NSD3: variants seen among roughly 807,000 people sequenced by gnomAD.
NSD3 encodes histone-lysine N-methyltransferase NSD3.
A neutral mutation model predicts 160.8 loss-of-function variants in NSD3; 24 were observed. That is an observed-to-expected ratio of 0.15 (90% CI 0.11 to 0.21). The LOEUF is 0.21. Ranked by LOEUF, NSD3 falls within the 10% of genes least tolerant of loss-of-function variation. The probability of loss-of-function intolerance (pLI) is 1.00; values close to 1 mark genes in which losing one functional copy is unlikely to be tolerated. For synonymous variants in NSD3, 520 were observed against 600.0 expected (o/e 0.87, Z 1.95); for missense variants, 1,157 against 1,735.9 (o/e 0.67, Z 5.93).
At chr8:38,359,871 A>G (rs1287045448) in intron 1 of NSD3, among the ~76,000 whole-genome samples, 1 of 152,252 alleles carries the variant, frequency 6.6e-6, no homozygotes. Context: ...TCCACAAACA[A>G]AATACAGTGC....
At chr8:38,355,133 T>G (rs1178380214) in intron 1 of NSD3, among the ~76,000 whole-genome samples, 3 of 151,990 alleles carry the variant, frequency 2.0e-5, no homozygotes, top group African/African-American at 7.2e-5. Flanking sequence ...TGCTTGAGAG[T>G]GCAGGTTCAG....
chr8:38,339,134 T>G (rs976612451), intron 2 of NSD3, among the ~76,000 whole-genome samples: 91 of 141,772 alleles, frequency 6.4e-4, no homozygotes, highest in East Asian at 3.1e-3. Context: ...AGTGAGACTC[T>G]GTCTCAAAAA....
At position 38,299,405 on chromosome 8, in the gene NSD3, T is replaced by C. The variant is rs771751763; in HGVS notation, c.2758+39A>G. On this transcript the variant is annotated intron_variant, in intron 15 of 23. Transcript: ENST00000317025. ...TATTGAAAGAGAAAAAAATAGGAAATGCAAAAATAAAAGCAAGAGAAACTA... is the reference window on the plus strand; with the variant it reads ...TATTGAAAGAGAAAAAAATAGGAAACGCAAAAATAAAAGCAAGAGAAACTA... 8.8e-6 allele frequency: 14 copies of C among 1,588,126 alleles called. No individual in the cohort carries two copies. The East Asian group carries it at 3.2e-4, about 36-fold the overall frequency.
intron 16 of NSD3, among the ~76,000 whole-genome samples, chr8:38,291,663 G>A (rs1226579331): frequency 6.6e-6 from 1 of 152,160 alleles, no homozygotes; most frequent in Non-Finnish European, 1.5e-5. Context: ...TATTTTCTGT[G>A]ATTGATACTT....
At position 38,329,322 on chromosome 8, in the gene NSD3, G is replaced by C; in HGVS notation, c.1581+56C>G. ...CCAAGGTCATTGTTTTAAATGCCAA[G>C]GTTGACCACTTTTAAAATACCATCC... is the stretch of plus-strand genomic sequence containing the variant. On this transcript the variant is annotated intron_variant, in intron 6 of 23. Transcript: ENST00000317025. This position sits in a 1 kb window ranked among gnomAD's most constrained non-coding sequence, Gnocchi z 4.8. 2 of 1,558,158 alleles carry C rather than the reference G, an allele frequency of 1.3e-6. No homozygotes were observed. Among genetic ancestry groups the C allele is most frequent in the Non-Finnish European group, 1.7e-6 (2 of 1,150,050 alleles).
Position 38,299,446 on chromosome 8 carries a change from T to G in NSD3, c.2756A>C (p.Lys919Thr), listed in dbSNP as rs376893554. The part of the protein sequence containing the change: ...SSSASKKKCE[K>T]GGRLLCCESC... Reference sequence around the variant, plus strand: ...AGAGAAACTATTTTGATTATTACCTTTCTCACATTTCTTTTTGGAAGCTGA... The same window carrying G: ...AGAGAAACTATTTTGATTATTACCTGTCTCACATTTCTTTTTGGAAGCTGA... Residue 919 changes from lysine (K) to threonine (T), a missense_variant and splice_region_variant, in exon 15 of 24, where the codon AAA becomes ACA. Around this residue, in one of 10 missense-constraint regions of NSD3, gnomAD observed 437 missense variants for 576.6 expected, o/e 0.76. Transcript: ENST00000317025. 3.0e-4 allele frequency: 480 copies of G among 1,609,328 alleles called. No homozygotes were observed. The highest frequency in any genetic ancestry group is 4.0e-4 in the Non-Finnish European group (471 of 1,178,804).
intron 16 of NSD3, among the ~76,000 whole-genome samples, chr8:38,293,485 G>C (rs978194300): frequency 2.6e-5 from 4 of 151,738 alleles, no homozygotes; most frequent in African/African-American, 4.8e-5. Flanking sequence ...AGCAGGCAGA[G>C]GCTGCAGTGG....
At chr8:38,305,573 C>A in intron 12 of NSD3, 128 bp from the exon 13 acceptor site, 10 of 754,210 alleles carry the variant, frequency 1.3e-5, no homozygotes, top group South Asian at 8.8e-5. Flanking sequence ...ATTTAATGCA[C>A]AAAAAAAATT....
At chr8:38,295,975 A>T (rs1352055146) in intron 15 of NSD3, 23 bp from the exon 16 acceptor site, 4 of 1,587,212 alleles carry the variant, frequency 2.5e-6, no homozygotes. Flanking sequence ...AAACAGTCTT[A>T]ATAACTGAGA....
intron 1 of NSD3, among the ~76,000 whole-genome samples, chr8:38,372,057 T>C (rs561968030): frequency 2.6e-5 from 4 of 152,378 alleles, no homozygotes; most frequent in Non-Finnish European, 5.9e-5. Context: ...TTGTCATCAC[T>C]GATTACTTCT....
chr8:38,353,723 G>C (rs922433612), intron 1 of NSD3, among the ~76,000 whole-genome samples: 5 of 152,144 alleles, frequency 3.3e-5, no homozygotes, highest in Non-Finnish European at 7.3e-5. Flanking sequence ...TTGTATCACA[G>C]AGTGTTTTCA....
At chr8:38,368,489 CAA>C (rs1811161787) in intron 1 of NSD3, among the ~76,000 whole-genome samples, 1 of 152,084 alleles carries the variant, frequency 6.6e-6, no homozygotes, top group Non-Finnish European at 1.5e-5. Flanking sequence ...ACAACAACAA[CAA>C]AAAAGTGTTT....
At position 38,289,545 on chromosome 8, in the gene NSD3, C is replaced by A. The variant is rs147983339; in HGVS notation, c.3119-40G>T. The A allele has an allele frequency of 3.2e-6, 5 of 1,576,244 alleles. No homozygotes were observed. The Admixed American group carries it at 9.0e-5, about 28-fold the overall frequency. On this transcript the variant is annotated intron_variant, in intron 17 of 23. Coordinates refer to ENST00000317025, the MANE Select transcript of NSD3 (RefSeq NM_023034.2). The stretch of plus-strand genomic sequence containing the variant: ...ATACAAAGTATGTAAATACCAAAAA[C>A]CAAAGGAAAATTGATGGGATAGTAG...
In NSD3 at chr8:38,348,188, C is replaced by A; in HGVS notation, c.-17G>T. 6.5e-7 allele frequency: 1 copy of A among 1,539,032 alleles called. No homozygotes were observed. On this transcript the variant is annotated 5_prime_UTR_variant, in exon 2 of 24. Coordinates refer to ENST00000317025, the MANE Select transcript of NSD3 (RefSeq NM_023034.2). ...GAAATCCATTGTTCTGCTCCAGCAT[C>A]CTTAACTTTCCCTTTCTCTCATCGG...
chr8:38,330,180 A>G (rs527831602), intron 5 of NSD3, among the ~76,000 whole-genome samples: 91 of 152,316 alleles, frequency 6.0e-4, no homozygotes, highest in Non-Finnish European at 1.1e-3. Flanking sequence ...AGCTAGTGAT[A>G]ATGAGGGAAA....
intron 1 of NSD3, among the ~76,000 whole-genome samples, chr8:38,351,646 G>C (rs2150385997): frequency 6.7e-6 from 1 of 149,078 alleles, no homozygotes; most frequent in East Asian, 2.0e-4. Flanking sequence ...CTGGGCAACA[G>C]AGTGAGACTC....
In NSD3 at chr8:38,321,922, A is replaced by G. The variant is rs374197867; in HGVS notation, c.1709-750T>C. ...CACATGGACCCCATTTTTGGAAAGG[A>G]TAAAACTGAAATTGAAGAACACAAC... On this transcript the variant is annotated intron_variant, in intron 7 of 23. Coordinates refer to ENST00000317025, the MANE Select transcript of NSD3 (RefSeq NM_023034.2). The surrounding 1 kb of genome is among the most constrained non-coding windows in gnomAD (Gnocchi z 4.7). Among the ~76,000 whole-genome samples the G allele has an allele frequency of 1.7e-3, 260 of 152,354 alleles. 5 individuals carry two copies. In the South Asian group the frequency reaches 0.051, roughly 30 times the overall value.
Position 38,315,903 on chromosome 8 carries a change from C to T in NSD3, c.1986+9G>A. The T allele has an allele frequency of 1.9e-6, 3 of 1,613,474 alleles. No homozygotes were observed. Among genetic ancestry groups the T allele is most frequent in the Non-Finnish European group, 2.5e-6 (3 of 1,179,842 alleles). ...AGAACACTTTGTCCAGACCCTTGCA[C>T]ATATTTACCTGCAGGTCACTCAGTC... On this transcript the variant is annotated intron_variant, in intron 10 of 23. Coordinates refer to ENST00000317025, the MANE Select transcript of NSD3 (RefSeq NM_023034.2).
At chr8:38,313,121 AATAAAATATTTT>A (rs759494285) in intron 12 of NSD3, among the ~76,000 whole-genome samples, 78 of 152,340 alleles carry the variant, frequency 5.1e-4, no homozygotes, top group African/African-American at 1.8e-3. Context: ...AAATGTGATG[AATAAAATATTTT>A]ATAAGGGGAA....
Sources: gnomAD v4.1 joint callset for allele counts (sites outside exome capture counted in the v4.1 genomes callset) on GRCh38, gnomAD v4.1.1 for gene constraint, gnomAD v4.1.1 regional missense constraint, Gnocchi (gnomAD v3.1) non-coding constraint, MANE v1.5 for transcripts, NCBI Gene and HGNC (gene_info 2026-07-23, HGNC 2026-07-21) for gene names.